The following SDK1 variants were observed in gnomAD, a reference collection of about 807,000 sequenced individuals.
The protein encoded by SDK1 is sidekick cell adhesion molecule 1.
Under a neutral mutation model 245.5 loss-of-function variants are expected in SDK1, and 157 were observed. That is an observed-to-expected ratio of 0.64 (90% CI 0.56 to 0.73). SDK1 has a LOEUF of 0.73. Among genes scored for constraint, SDK1 ranks in the 30% least tolerant of loss-of-function variants. The pLI is 0.00. For missense variants in SDK1, 3,583 were observed against 3,002.3 expected, an observed-to-expected ratio of 1.19 and a Z score of -4.52; for synonymous variants, 1,647 against 1,278.5, an observed-to-expected ratio of 1.29 and a Z score of -6.15.
chr7:3,426,468 C>G lies in SDK1; in HGVS notation c.298+124584C>G, dbSNP rs76991391. 9.3e-3 allele frequency among the ~76,000 whole-genome samples: 1,416 copies of G among 152,320 alleles called. 23 individuals carry two copies. Among genetic ancestry groups the G allele is most frequent in the African/African-American group, 0.032 (1,332 of 41,562 alleles). ...ACCTTCTCTGCTCCTCATTTCCCTTCTCTCTAAATGGTGATAATAAGAGAA... is the reference window on the plus strand; with the variant it reads ...ACCTTCTCTGCTCCTCATTTCCCTTGTCTCTAAATGGTGATAATAAGAGAA... On this transcript the variant is annotated intron_variant, in intron 1 of 44. Coordinates refer to ENST00000404826, the MANE Select transcript of SDK1 (RefSeq NM_152744.4).
chr7:3,775,248 A>G (rs1003332405), intron 4 of SDK1, among the ~76,000 whole-genome samples: 3 of 152,080 alleles, frequency 2.0e-5, no homozygotes, highest in Non-Finnish European at 4.4e-5. Flanking sequence ...TTTCTTCACT[A>G]TTTTGGCCCT....
At chr7:3,397,869 T>A (rs945202874) in intron 1 of SDK1, among the ~76,000 whole-genome samples, 1 of 152,116 alleles carries the variant, frequency 6.6e-6, no homozygotes, top group Non-Finnish European at 1.5e-5. Flanking sequence ...ATCATAGTTA[T>A]GAATTTCTGG....
At chr7:4,218,500 G>C (rs1456804535) in intron 38 of SDK1, among the ~76,000 whole-genome samples, 1 of 152,252 alleles carries the variant, frequency 6.6e-6, no homozygotes, top group Admixed American at 6.5e-5. Context: ...CCAGCTAGAA[G>C]ATATGTTGGA....
At position 4,178,583 on chromosome 7, in the gene SDK1, G is replaced by A. The variant is rs763254694; in HGVS notation, c.5095G>A (p.Ala1699Thr). 4.4e-6 allele frequency: 7 copies of A among 1,608,692 alleles called. No homozygotes were observed. Among genetic ancestry groups the A allele is most frequent in the Middle Eastern group, 1.7e-4 (1 of 5,988 alleles). The change falls in exon 35 of 45, where the codon GCT becomes ACT. Residue 1699 changes from alanine (A) to threonine (T), a missense_variant. Coordinates refer to ENST00000404826, the MANE Select transcript of SDK1 (RefSeq NM_152744.4). ...SAPVEVFVGE[A>T]APAMAPQNVQ... is the part of the protein sequence containing the mutation. Reference sequence around the variant, plus strand: ...GCCCGTGGAGGTCTTTGTCGGCGAGGCTGGTAAGCTCCGTGCACCCCCAAC... The same window carrying A: ...GCCCGTGGAGGTCTTTGTCGGCGAGACTGGTAAGCTCCGTGCACCCCCAAC...
intron 1 of SDK1, among the ~76,000 whole-genome samples, chr7:3,543,071 T>G (rs999871532): frequency 6.6e-6 from 1 of 152,230 alleles, no homozygotes; most frequent in Non-Finnish European, 1.5e-5. Context: ...TTAGGCATAA[T>G]TCCTATTTGT....
At chr7:3,713,645 G>A (rs1283496668) in intron 4 of SDK1, among the ~76,000 whole-genome samples, 2 of 152,186 alleles carry the variant, frequency 1.3e-5, no homozygotes, top group East Asian at 1.9e-4. Flanking sequence ...GATCCCATCC[G>A]TCATCAGATA....
At chr7:3,736,977 A>G (rs1287848219) in intron 4 of SDK1, among the ~76,000 whole-genome samples, 3 of 152,214 alleles carry the variant, frequency 2.0e-5, no homozygotes. Context: ...TCTGTTTCTA[A>G]GAGTTGTACT....
intron 5 of SDK1, among the ~76,000 whole-genome samples, chr7:3,829,194 T>G (rs533894931): frequency 6.6e-6 from 1 of 152,286 alleles, no homozygotes; most frequent in South Asian, 2.1e-4. Context: ...CCTTCAAATT[T>G]ATGATGAAAA....
At chr7:3,516,300 G>A (rs1415272504) in intron 1 of SDK1, among the ~76,000 whole-genome samples, 3 of 151,766 alleles carry the variant, frequency 2.0e-5, no homozygotes, top group Non-Finnish European at 4.4e-5. Flanking sequence ...ACTTATACAT[G>A]CAGCTGTAGA....
At position 4,011,925 on chromosome 7, in the gene SDK1, A is replaced by G. The variant is rs189701570; in HGVS notation, c.2280-170A>G. ...ATTTTCTATTATGTTGATTTGTGGT[A>G]ACTGTTTCTCACGTCCTTTCAGTTT... On this transcript the variant is annotated intron_variant, in intron 15 of 44. Transcript: ENST00000404826. Among the ~76,000 whole-genome samples, 115 of 152,258 alleles carry G rather than the reference A, an allele frequency of 7.6e-4. 5 individuals carry two copies. The highest frequency in any genetic ancestry group is 2.1e-4 in the Non-Finnish European group (14 of 68,026).
At chr7:3,349,804 G>A (rs57535226) in intron 1 of SDK1, among the ~76,000 whole-genome samples, 15,657 of 151,882 alleles carry the variant, frequency 0.1, 1,015 homozygotes, top group African/African-American at 0.18. Flanking sequence ...GGGTTTCACC[G>A]TGTTAGCCAG....
intron 5 of SDK1, among the ~76,000 whole-genome samples, chr7:3,923,440 C>T (rs572990457): frequency 1.8e-4 from 28 of 152,250 alleles, no homozygotes; most frequent in African/African-American, 4.6e-4. Flanking sequence ...TTTTAATAAT[C>T]GAGAAGTTGC....
rs1239634620 is a variant in SDK1, at chr7:3,301,811, G to C, written c.225G>C (p.Lys75Asn). ...GGTGCGGCGGGCGGCGGGCGGCAAAGTTGGGGCCGGGCCGCCGCGGCTGGT... is the reference window on the plus strand; with the variant it reads ...GGTGCGGCGGGCGGCGGGCGGCAAACTTGGGGCCGGGCCGCCGCGGCTGGT... ...AGRCGGRRAA[K>N]LGPGRRGWWA... The change falls in exon 1 of 45, where the codon AAG becomes AAC. Residue 75 changes from lysine to asparagine, a missense_variant. Coordinates refer to ENST00000404826, the MANE Select transcript of SDK1 (RefSeq NM_152744.4). 2 of 1,074,920 alleles carry C rather than the reference G, an allele frequency of 1.9e-6. No homozygotes were observed. Among genetic ancestry groups the C allele is most frequent in the Admixed American group, 5.4e-5 (1 of 18,488 alleles). 66.6% of individuals were successfully genotyped at this position (1,074,920 alleles called of 1,614,324 possible).
intron 4 of SDK1, chr7:3,643,460 C>T (rs1407971012): frequency 6.7e-6 from 1 of 149,220 alleles, no homozygotes; most frequent in African/African-American, 2.5e-5. Flanking sequence ...AATCCTTCCC[C>T]TAAACCTGGT....
chr7:3,534,825 G>A (rs749827370), intron 1 of SDK1, among the ~76,000 whole-genome samples: 7 of 152,108 alleles, frequency 4.6e-5, no homozygotes, highest in African/African-American at 9.7e-5. Flanking sequence ...AATAGATGCC[G>A]GCAGTTGTGC....
intron 1 of SDK1, among the ~76,000 whole-genome samples, chr7:3,468,301 A>C (rs539898125): frequency 6.6e-6 from 1 of 152,258 alleles, no homozygotes; most frequent in East Asian, 1.9e-4. Context: ...ATATGATTTT[A>C]TTAACTGTGT....
chr7:3,346,277 T>G (rs1325921546), intron 1 of SDK1, among the ~76,000 whole-genome samples: 2 of 152,078 alleles, frequency 1.3e-5, no homozygotes, highest in African/African-American at 4.8e-5. Flanking sequence ...TGGGGCTGGT[T>G]TCGGTGGGTG....
intron 4 of SDK1, among the ~76,000 whole-genome samples, chr7:3,721,176 C>A (rs1275986462): frequency 6.6e-6 from 1 of 152,086 alleles, no homozygotes; most frequent in African/African-American, 2.4e-5. Flanking sequence ...TGGAACTGTT[C>A]CCTCTCTTGG....
intron 12 of SDK1, among the ~76,000 whole-genome samples, chr7:3,973,858 A>G (rs1286604090): frequency 2.0e-5 from 3 of 151,618 alleles, no homozygotes; most frequent in Admixed American, 6.6e-5. Flanking sequence ...TTTTTTTATT[A>G]TTTTTTGGTT....
Sources: allele counts gnomAD v4.1 joint callset (sites outside exome capture counted in the v4.1 genomes callset), GRCh38; gene constraint gnomAD v4.1.1; transcripts MANE v1.5; gene names NCBI Gene and HGNC (gene_info 2026-07-23, HGNC 2026-07-21).